The following PHF24 variants were observed in gnomAD, a reference collection of about 807,000 sequenced individuals.
The protein encoded by PHF24 is Galpha inhibitory interacting protein.
PHF24 carries 25 observed loss-of-function variants against 42.6 expected under a neutral mutation model. The observed-to-expected ratio is 0.59, with a 90% CI of 0.43 to 0.82. The LOEUF (loss-of-function observed/expected upper bound fraction) is 0.82, where lower values mean the gene tolerates loss of function less well. Among genes scored for constraint, PHF24 ranks in the 40% least tolerant of loss-of-function variants. The pLI, the probability that PHF24 is intolerant of heterozygous loss-of-function variation, is 0.00. For missense variants in PHF24, 470 were observed against 538.1 expected (o/e 0.87, Z 1.25); for synonymous variants, 185 against 204.8 (o/e 0.90, Z 0.83).
the PHF24 span, among the ~76,000 whole-genome samples, chr9:34,937,781 A>G: frequency 6.6e-6 from 1 of 152,238 alleles, no homozygotes; most frequent in African/African-American, 2.4e-5. Context: ...CCCTGCGCAG[A>G]GATGGAAAGG....
chr9:34,966,242 G>C (rs1436622949), intron 1 of PHF24, among the ~76,000 whole-genome samples: 2 of 152,090 alleles, frequency 1.3e-5, no homozygotes, highest in African/African-American at 4.8e-5. Context: ...CCTGCCACAG[G>C]ATCCAGCCAA....
the PHF24 span, among the ~76,000 whole-genome samples, chr9:34,774,870 T>C: frequency 6.6e-6 from 1 of 152,286 alleles, no homozygotes; most frequent in Non-Finnish European, 1.5e-5. Flanking sequence ...TGATTTGTAC[T>C]TCACACCCAC....
At chr9:34,708,584 C>T in the PHF24 span, among the ~76,000 whole-genome samples, 1 of 152,188 alleles carries the variant, frequency 6.6e-6, no homozygotes, top group African/African-American at 2.4e-5. Flanking sequence ...CCACAGCTTC[C>T]CTCCTAGGGA....
At chr9:34,745,585 C>T in the PHF24 span, among the ~76,000 whole-genome samples, 2 of 151,206 alleles carry the variant, frequency 1.3e-5, no homozygotes, top group African/African-American at 4.9e-5. Flanking sequence ...AAAAATGTGT[C>T]CATGAGAAAA....
the PHF24 span, among the ~76,000 whole-genome samples, chr9:34,898,373 G>A: frequency 6.6e-6 from 1 of 152,084 alleles, no homozygotes; most frequent in African/African-American, 2.4e-5. Context: ...CATTCTTGCA[G>A]GAGTAAGGCG....
chr9:34,885,081 G>A, the PHF24 span, among the ~76,000 whole-genome samples: 1 of 152,146 alleles, frequency 6.6e-6, no homozygotes, highest in Admixed American at 6.5e-5. Flanking sequence ...CTCCTACATG[G>A]CTTTCTGCCC....
chr9:34,692,061 T>C, the PHF24 span, among the ~76,000 whole-genome samples: 1 of 151,258 alleles, frequency 6.6e-6, no homozygotes, highest in Non-Finnish European at 1.5e-5. Context: ...AATCGGCCGA[T>C]GGGGGAGGGG....
At chr9:34,775,694 G>A in the PHF24 span, among the ~76,000 whole-genome samples, 1 of 151,996 alleles carries the variant, frequency 6.6e-6, no homozygotes, top group Non-Finnish European at 1.5e-5. Flanking sequence ...TCTAATCCTT[G>A]TTTCCCAAAG....
the PHF24 span, chr9:34,893,103 C>T: frequency 2.1e-5 from 19 of 892,530 alleles, no homozygotes; most frequent in South Asian, 3.9e-4. Flanking sequence ...CAGCAGGGGT[C>T]TGCACACAGG....
the PHF24 span, among the ~76,000 whole-genome samples, chr9:34,858,076 T>C: frequency 3.9e-5 from 6 of 152,068 alleles, no homozygotes; most frequent in Non-Finnish European, 1.5e-5. Context: ...TTAAATTATT[T>C]ATTTACTTAT....
At chr9:34,822,623 A>G in the PHF24 span, among the ~76,000 whole-genome samples, 12 of 152,234 alleles carry the variant, frequency 7.9e-5, no homozygotes, top group African/African-American at 2.4e-4. Context: ...GCGTGATTCC[A>G]GAATAATATA....
At chr9:34,790,953 T>C in the PHF24 span, among the ~76,000 whole-genome samples, 1 of 152,182 alleles carries the variant, frequency 6.6e-6, no homozygotes. Flanking sequence ...GAGAAAGCTG[T>C]AGGAGATGAT....
chr9:34,749,416 C>A, the PHF24 span, among the ~76,000 whole-genome samples: 1 of 152,060 alleles, frequency 6.6e-6, no homozygotes, highest in Non-Finnish European at 1.5e-5. Flanking sequence ...ATTTAATAAT[C>A]AAACTCCTTA....
At chr9:34,902,237 T>C in the PHF24 span, among the ~76,000 whole-genome samples, 1 of 152,242 alleles carries the variant, frequency 6.6e-6, no homozygotes, top group Non-Finnish European at 1.5e-5. Context: ...ATTTATATTC[T>C]TATTCTTGTA....
the PHF24 span, among the ~76,000 whole-genome samples, chr9:34,674,286 A>T: frequency 6.6e-6 from 1 of 152,348 alleles, no homozygotes; most frequent in South Asian, 2.1e-4. Flanking sequence ...GTATGTGTCC[A>T]TCTGCCCATC....
chr9:34,830,458 G>A, the PHF24 span, among the ~76,000 whole-genome samples: 2 of 152,184 alleles, frequency 1.3e-5, no homozygotes, highest in Admixed American at 6.5e-5. Context: ...CTCCTTAAGA[G>A]GTCAGGCGTT....
the PHF24 span, chr9:34,922,050 G>C: frequency 1.2e-6 from 1 of 809,104 alleles, no homozygotes; most frequent in Non-Finnish European, 1.9e-6. Flanking sequence ...AAACCACGTG[G>C]GAAATATAGA....
chr9:34,835,243 C>G, the PHF24 span: 7 of 1,552,176 alleles, frequency 4.5e-6, no homozygotes, highest in Admixed American at 3.9e-5. Context: ...GGGAAATGGT[C>G]TCAGATCTGT....
the PHF24 span, among the ~76,000 whole-genome samples, chr9:34,864,466 C>T: frequency 6.6e-6 from 1 of 152,020 alleles, no homozygotes; most frequent in South Asian, 2.1e-4. Flanking sequence ...TCAGTGGAAA[C>T]TTTACAGGCC....
Sources: gnomAD v4.1 joint callset for allele counts (sites outside exome capture counted in the v4.1 genomes callset) on GRCh38, gnomAD v4.1.1 for gene constraint, MANE v1.5 for transcripts, NCBI Gene and HGNC (gene_info 2026-07-23, HGNC 2026-07-21) for gene names.